Variants in ITGBL1 observed in about 807,000 individuals in gnomAD.
ITGBL1 encodes the protein integrin subunit beta like 1, also known as integrin beta-like protein 1.
A neutral mutation model predicts 68.5 loss-of-function variants in ITGBL1; 51 were observed. The observed-to-expected ratio is 0.74, with a 90% CI of 0.59 to 0.94. ITGBL1 has a LOEUF of 0.94. ITGBL1 is among the 40% of genes least tolerant of loss of function. The pLI is 0.00. For missense variants in ITGBL1, 649 were observed against 647.4 expected (o/e 1.00, Z -0.03); for synonymous variants, 209 against 227.3 (o/e 0.92, Z 0.72).
At chr13:101,642,295 A>G (rs367663341) in intron 7 of ITGBL1, among the ~76,000 whole-genome samples, 6 of 152,014 alleles carry the variant, frequency 3.9e-5, no homozygotes, top group African/African-American at 7.3e-5. Context: ...GTTTTGATTT[A>G]CATTTCTCTG....
At chr13:101,531,170 C>T (rs985619975) in intron 2 of ITGBL1, among the ~76,000 whole-genome samples, 1 of 151,794 alleles carries the variant, frequency 6.6e-6, no homozygotes, top group Non-Finnish European at 1.5e-5. Context: ...TTTAAAAAAA[C>T]GTATACTAGT....
chr13:101,536,636 T>A (rs1287547569), intron 2 of ITGBL1, among the ~76,000 whole-genome samples: 1 of 152,014 alleles, frequency 6.6e-6, no homozygotes, highest in Non-Finnish European at 1.5e-5. Context: ...TTCATTGTGC[T>A]AATAAATTTG....
At chr13:101,648,082 G>A (rs1164596417) in intron 7 of ITGBL1, among the ~76,000 whole-genome samples, 4 of 152,266 alleles carry the variant, frequency 2.6e-5, no homozygotes, top group African/African-American at 4.8e-5. Context: ...GGACTTGTGA[G>A]ATCTACCCCT....
intron 2 of ITGBL1, among the ~76,000 whole-genome samples, chr13:101,505,214 G>T (rs938416182): frequency 6.6e-6 from 1 of 152,168 alleles, no homozygotes; most frequent in Admixed American, 6.5e-5. Flanking sequence ...TTGTCTCAAA[G>T]GATATTTGTG....
intron 2 of ITGBL1, among the ~76,000 whole-genome samples, chr13:101,487,423 A>C (rs2048716565): frequency 6.6e-6 from 1 of 152,252 alleles, no homozygotes; most frequent in South Asian, 2.1e-4. Flanking sequence ...AAAGAAAGTT[A>C]GGATTCAAAA....
intron 7 of ITGBL1, among the ~76,000 whole-genome samples, chr13:101,629,430 C>G (rs938031892): frequency 1.3e-5 from 2 of 151,946 alleles, no homozygotes; most frequent in Non-Finnish European, 2.9e-5. Context: ...AATGCCCAAT[C>G]CTTTGAAAAT....
chr13:101,610,152 A>G (rs554638195), intron 7 of ITGBL1, among the ~76,000 whole-genome samples: 7 of 152,290 alleles, frequency 4.6e-5, no homozygotes, highest in Admixed American at 3.9e-4. Context: ...TAAAATACTA[A>G]AATTATAGTG....
intron 2 of ITGBL1, among the ~76,000 whole-genome samples, chr13:101,508,097 T>C (rs1220924932): frequency 6.6e-6 from 1 of 152,172 alleles, no homozygotes; most frequent in Non-Finnish European, 1.5e-5. Flanking sequence ...CCACTTACTC[T>C]ACCTTATTAC....
intron 7 of ITGBL1, among the ~76,000 whole-genome samples, chr13:101,653,324 TC>T: frequency 6.6e-6 from 1 of 152,232 alleles, no homozygotes; most frequent in African/African-American, 2.4e-5. Flanking sequence ...AAGAGATACT[TC>T]TGAATTTATT....
chr13:101,672,123 AAATT>A (rs1442400178), intron 7 of ITGBL1, among the ~76,000 whole-genome samples: 6 of 152,250 alleles, frequency 3.9e-5, no homozygotes, highest in Non-Finnish European at 8.8e-5. Context: ...TTTTACAAAC[AAATT>A]AATCTTATTC....
At chr13:101,604,945 T>TGC (rs1480435178) in intron 7 of ITGBL1, among the ~76,000 whole-genome samples, 8 of 4,776 alleles carry the variant, frequency 1.7e-3, no homozygotes, top group South Asian at 8.2e-3. Context: ...CATGTATATA[T>TGC]GTGTACATGT....
At chr13:101,652,116 G>T (rs79816747) in intron 7 of ITGBL1, among the ~76,000 whole-genome samples, 4,291 of 152,046 alleles carry the variant, frequency 0.028, 209 homozygotes, top group African/African-American at 0.098. Flanking sequence ...TATTTTTAGA[G>T]ACAGGATCTC....
intron 2 of ITGBL1, among the ~76,000 whole-genome samples, chr13:101,504,317 T>C (rs2048990998): frequency 6.8e-6 from 1 of 147,460 alleles, no homozygotes; most frequent in Admixed American, 6.9e-5. Context: ...CCTCTCAGAG[T>C]CACGATCCAG....
intron 7 of ITGBL1, among the ~76,000 whole-genome samples, chr13:101,622,531 G>A (rs1263540317): frequency 2.0e-5 from 3 of 151,980 alleles, no homozygotes; most frequent in Non-Finnish European, 4.4e-5. Flanking sequence ...TGTATTTGCC[G>A]TTTACTATAA....
intron 2 of ITGBL1, among the ~76,000 whole-genome samples, chr13:101,508,769 C>T (rs551374360): frequency 2.6e-4 from 40 of 152,048 alleles, no homozygotes; most frequent in African/African-American, 9.4e-4. Context: ...AAGTTTTTGT[C>T]CAGAGCTCAG....
At chr13:101,465,288 AG>A (rs755709268) in intron 2 of ITGBL1, among the ~76,000 whole-genome samples, 11 of 152,196 alleles carry the variant, frequency 7.2e-5, no homozygotes, top group Non-Finnish European at 1.3e-4. Context: ...CACCAAAATT[AG>A]GTTTCATTGG....
At position 101,589,001 on chromosome 13, in the gene ITGBL1, A is replaced by G. The variant is rs548086057; in HGVS notation, c.868+5645A>G. Among the ~76,000 whole-genome samples the G allele has an allele frequency of 2.6e-5, 4 of 152,332 alleles. No homozygotes were observed. The South Asian group carries it at 8.3e-4, about 32-fold the overall frequency. ...AAGTGATTTTTAAACTCTACCAGTT[A>G]AATATCACAAAGGATTTTGTAGGAC... On this transcript the variant is annotated intron_variant, in intron 6 of 10. Coordinates refer to ENST00000376180, the MANE Select transcript of ITGBL1 (RefSeq NM_004791.3).
chr13:101,457,732 C>T (rs2048263835), intron 2 of ITGBL1, among the ~76,000 whole-genome samples: 1 of 152,078 alleles, frequency 6.6e-6, no homozygotes, highest in African/African-American at 2.4e-5. Flanking sequence ...AGGAGAATTG[C>T]TTGAACCCAG....
intron 2 of ITGBL1, among the ~76,000 whole-genome samples, chr13:101,461,277 C>T (rs76609328): frequency 0.014 from 2,125 of 152,244 alleles, 49 homozygotes; most frequent in African/African-American, 0.045. Flanking sequence ...AAACTGACAT[C>T]GCATGTTCTT....
Sources: allele counts gnomAD v4.1 joint callset (sites outside exome capture counted in the v4.1 genomes callset), GRCh38; gene constraint gnomAD v4.1.1; transcripts MANE v1.5; gene names NCBI Gene and HGNC (gene_info 2026-07-23, HGNC 2026-07-21).